ZNF385D: variants seen among roughly 807,000 people sequenced by gnomAD.
The protein encoded by ZNF385D is zinc finger protein 659.
In ZNF385D, 15 loss-of-function variants were observed where a neutral mutation model predicts 35.8. The ratio of observed to expected loss-of-function variants is 0.42; its 90% confidence interval spans 0.28 to 0.64. ZNF385D has a LOEUF of 0.64. Ranked by LOEUF, ZNF385D falls within the 30% of genes least tolerant of loss-of-function variation. The probability of loss-of-function intolerance (pLI) is 0.23; values close to 1 mark genes in which losing one functional copy is unlikely to be tolerated. For synonymous variants in ZNF385D, 212 were observed against 186.8 expected, an observed-to-expected ratio of 1.13 and a Z score of -1.10; for missense variants, 474 against 494.6, an observed-to-expected ratio of 0.96 and a Z score of 0.39.
intron 3 of ZNF385D, among the ~76,000 whole-genome samples, chr3:22,124,967 G>A (rs1703343054): frequency 6.6e-6 from 1 of 152,014 alleles, no homozygotes. Context: ...TGTGCTTGTG[G>A]GGTATTATTC....
chr3:22,205,706 T>C (rs1697103956), intron 2 of ZNF385D, among the ~76,000 whole-genome samples: 1 of 152,002 alleles, frequency 6.6e-6, no homozygotes, highest in East Asian at 1.9e-4. Context: ...GGTTACAAGA[T>C]ATTATTTGCA....
chr3:22,000,985 G>A (rs1426265755), intron 3 of ZNF385D, among the ~76,000 whole-genome samples: 1 of 151,364 alleles, frequency 6.6e-6, no homozygotes, highest in South Asian at 2.1e-4. Context: ...TTCATTTGTA[G>A]AGCAAATAAA....
intron 2 of ZNF385D, among the ~76,000 whole-genome samples, chr3:21,647,260 C>G (rs767242518): frequency 1.7e-4 from 26 of 152,038 alleles, no homozygotes; most frequent in Non-Finnish European, 3.2e-4. Flanking sequence ...GTAAATTATT[C>G]CAGATCTACA....
At chr3:21,940,456 C>A (rs1014728968) in intron 3 of ZNF385D, among the ~76,000 whole-genome samples, 1 of 152,152 alleles carries the variant, frequency 6.6e-6, no homozygotes, top group African/African-American at 2.4e-5. Context: ...TTTTTTACAA[C>A]ATAGCAAATG....
chr3:22,016,456 T>G (rs1424215148), intron 3 of ZNF385D, among the ~76,000 whole-genome samples: 1 of 152,094 alleles, frequency 6.6e-6, no homozygotes, highest in East Asian at 1.9e-4. Context: ...CTATTTCTAT[T>G]TATCCTTTCC....
At chr3:22,325,471 A>G (rs559909361) in intron 2 of ZNF385D, among the ~76,000 whole-genome samples, 222 of 152,316 alleles carry the variant, frequency 1.5e-3, no homozygotes, top group African/African-American at 4.7e-3. Context: ...ATCTGTTAAA[A>G]TTGGGCCATC....
chr3:21,456,159 A>T (rs1239749367), intron 4 of ZNF385D, among the ~76,000 whole-genome samples: 2 of 152,220 alleles, frequency 1.3e-5, no homozygotes, highest in African/African-American at 2.4e-5. Flanking sequence ...TAGTTCAACC[A>T]TTGTGGAAGA....
intron 3 of ZNF385D, among the ~76,000 whole-genome samples, chr3:21,899,000 T>C (rs1699272866): frequency 6.6e-6 from 1 of 152,164 alleles, no homozygotes; most frequent in Non-Finnish European, 1.5e-5. Flanking sequence ...AATGAGATTA[T>C]AATATTCACA....
intron 2 of ZNF385D, among the ~76,000 whole-genome samples, chr3:22,371,257 G>A (rs1696892123): frequency 6.6e-6 from 1 of 152,142 alleles, no homozygotes; most frequent in South Asian, 2.1e-4. Flanking sequence ...TCGTGAACCG[G>A]AATTCAGTGG....
chr3:21,782,169 T>C (rs1575640182), intron 3 of ZNF385D, among the ~76,000 whole-genome samples: 1 of 152,112 alleles, frequency 6.6e-6, no homozygotes, highest in East Asian at 1.9e-4. Flanking sequence ...GGTCAATCTC[T>C]GCTCCTGTGA....
At chr3:22,017,665 A>G (rs9857887) in intron 3 of ZNF385D, among the ~76,000 whole-genome samples, 8,739 of 151,932 alleles carry the variant, frequency 0.058, 831 homozygotes, top group African/African-American at 0.19. Context: ...ATAATGCTTT[A>G]ACAATTAAAT....
chr3:22,176,978 T>C (rs1340662668), intron 2 of ZNF385D, among the ~76,000 whole-genome samples: 1 of 152,184 alleles, frequency 6.6e-6, no homozygotes, highest in African/African-American at 2.4e-5. Context: ...AAAAATTATA[T>C]TATATTACTA....
At chr3:22,317,414 C>T (rs980486824) in intron 2 of ZNF385D, among the ~76,000 whole-genome samples, 1 of 151,146 alleles carries the variant, frequency 6.6e-6, no homozygotes, top group African/African-American at 2.4e-5. Context: ...ATAAAAGAGA[C>T]TGGGAGTCAT....
chr3:21,834,411 G>A (rs1695194429), intron 3 of ZNF385D, among the ~76,000 whole-genome samples: 2 of 152,052 alleles, frequency 1.3e-5, no homozygotes, highest in South Asian at 2.1e-4. Context: ...TTGCTTATCT[G>A]GAAAAGACTT....
intron 3 of ZNF385D, among the ~76,000 whole-genome samples, chr3:21,850,104 T>A (rs187693895): frequency 6.6e-6 from 1 of 152,230 alleles, no homozygotes; most frequent in African/African-American, 2.4e-5. Context: ...TTATTATCAA[T>A]ATGGACATGT....
chr3:21,585,771 A>G (rs1010378804), intron 2 of ZNF385D, among the ~76,000 whole-genome samples: 1 of 152,188 alleles, frequency 6.6e-6, no homozygotes, highest in Admixed American at 6.6e-5. Context: ...ACTTTATCAT[A>G]TAAATCCACA....
At position 22,289,658 on chromosome 3, in the gene ZNF385D, T is replaced by A. The variant is rs545626962; in HGVS notation, c.106+82792A>T. ...ATGCCGGTGTGCTTATTTAAAACCA[T>A]CTCTTTATTCTGTAATCAAGGGAGA... On this transcript the variant is annotated intron_variant, in intron 2 of 5. Coordinates refer to the ZNF385D transcript ENST00000494108. Among the ~76,000 whole-genome samples, 14 of 152,228 alleles carry A rather than the reference T, an allele frequency of 9.2e-5. No homozygotes were observed. In the South Asian group the frequency reaches 1.9e-3, roughly 20 times the overall value.
chr3:21,801,391 A>G (rs1336708869), intron 3 of ZNF385D, among the ~76,000 whole-genome samples: 3 of 152,180 alleles, frequency 2.0e-5, no homozygotes, highest in African/African-American at 4.8e-5. Flanking sequence ...TTTTGGGAAG[A>G]TAAGTGTTAA....
At chr3:21,713,871 A>G (rs2068212031) in intron 1 of ZNF385D, among the ~76,000 whole-genome samples, 1 of 152,152 alleles carries the variant, frequency 6.6e-6, no homozygotes, top group Non-Finnish European at 1.5e-5. Flanking sequence ...TTTAAAGTTT[A>G]CATGTCACTC....
Sources: gnomAD v4.1 joint callset for allele counts (sites outside exome capture counted in the v4.1 genomes callset) on GRCh38, gnomAD v4.1.1 for gene constraint, MANE v1.5 for transcripts, NCBI Gene and HGNC (gene_info 2026-07-23, HGNC 2026-07-21) for gene names.